The following CC2D2A variants were observed in gnomAD, a reference collection of about 807,000 sequenced individuals.
CC2D2A encodes the protein coiled-coil and C2 domain containing 2A, also known as coiled-coil and C2 domain-containing protein 2A.
In CC2D2A, 155 loss-of-function variants were observed where a neutral mutation model predicts 212.9. The ratio of observed to expected loss-of-function variants is 0.73; its 90% CI spans 0.64 to 0.83. The LOEUF (loss-of-function observed/expected upper bound fraction) is 0.83, where lower values mean the gene tolerates loss of function less well. Among genes scored for constraint, CC2D2A ranks in the 40% least tolerant of loss-of-function variants. CC2D2A has a pLI of 0.00. For missense variants in CC2D2A, 1,856 were observed against 1,956.2 expected (o/e 0.95, Z 0.97); for synonymous variants, 667 against 686.5 (o/e 0.97, Z 0.44).
At chr4:15,537,630 T>C (rs994002307) in intron 15 of CC2D2A, among the ~76,000 whole-genome samples, 7 of 152,180 alleles carry the variant, frequency 4.6e-5, no homozygotes, top group Admixed American at 2.6e-4. Flanking sequence ...TTTAAGCTCT[T>C]TCCAGGGACT....
At chr4:15,570,883 A>AT (rs1343541927) in intron 28 of CC2D2A, among the ~76,000 whole-genome samples, 2 of 152,000 alleles carry the variant, frequency 1.3e-5, no homozygotes, top group Admixed American at 1.3e-4. Context: ...GCGAGACTCC[A>AT]TGTCAGAAAA....
Position 15,479,348 on chromosome 4 carries a change from T to C in CC2D2A, c.123+542T>C, listed in dbSNP as rs146710540. The C allele has an allele frequency of 4.6e-6, 7 of 1,517,736 alleles. No individual in the cohort carries two copies. The East Asian group carries it at 7.4e-5, about 16-fold the overall frequency. The allele number at this position is 1,517,736 out of a possible 1,614,324, so 94.0% of individuals were successfully genotyped here. On this transcript the variant is annotated intron_variant, in intron 3 of 36. Coordinates refer to ENST00000424120, the MANE Select transcript of CC2D2A (RefSeq NM_001378615.1). ...TTCAAGGTAAGTCCTTGGTAAGAAG[T>C]TGTCCTCTGAGAAGGGAGGCAGGGA...
intron 19 of CC2D2A, among the ~76,000 whole-genome samples, chr4:15,554,709 GT>G (rs1719191555): frequency 6.6e-6 from 1 of 152,162 alleles, no homozygotes; most frequent in African/African-American, 2.4e-5. Context: ...TTTTCTTTTG[GT>G]TTGTCCTCAG....
chr4:15,536,250 T>C (rs979293562), intron 14 of CC2D2A, among the ~76,000 whole-genome samples: 16 of 150,592 alleles, frequency 1.1e-4, no homozygotes, highest in South Asian at 2.1e-4. Context: ...CAGGTGGGAA[T>C]TGAACAATGA....
rs1361167507 is a variant in CC2D2A at position 15,516,685 on chromosome 4, T to C, written c.1078T>C (p.Phe360Leu). 6.2e-7 allele frequency: 1 copy of C among 1,613,496 alleles called. No homozygotes were observed. The highest frequency in any genetic ancestry group is 1.7e-5 in the Admixed American group (1 of 59,960). The change falls in exon 11 of 37, where the codon TTT (phenylalanine) becomes CTT (leucine). Residue 360 changes from phenylalanine to leucine, a missense_variant. By Grantham distance (22) the Phe-to-Leu change is conservative. Coordinates refer to ENST00000424120, the MANE Select transcript of CC2D2A (RefSeq NM_001378615.1). Reference protein sequence around the residue: ...ILALPNPIKPFPSRPPVLTQE... With the variant: ...ILALPNPIKPLPSRPPVLTQE... Reference sequence around the variant, plus strand: ...AGCTCTGCCAAACCCCATCAAGCCATTTCCTTCAAGGCCGCCAGTACTAAC... The same window carrying C: ...AGCTCTGCCAAACCCCATCAAGCCACTTCCTTCAAGGCCGCCAGTACTAAC...
intron 4 of CC2D2A, among the ~76,000 whole-genome samples, chr4:15,485,492 C>T (rs986683009): frequency 1.3e-5 from 2 of 152,148 alleles, no homozygotes; most frequent in Admixed American, 6.6e-5. Context: ...TGGATATATA[C>T]CCAGCAGTGG....
intron 21 of CC2D2A, 93 bp from the exon 22 acceptor site, chr4:15,559,072 G>A (rs1647747183): frequency 2.4e-6 from 2 of 816,482 alleles, no homozygotes; most frequent in Admixed American, 3.0e-5. Flanking sequence ...AAAACCACAA[G>A]TTATAACTTA....
intron 4 of CC2D2A, among the ~76,000 whole-genome samples, chr4:15,502,047 C>T (rs942915106): frequency 6.6e-6 from 1 of 152,220 alleles, no homozygotes; most frequent in African/African-American, 2.4e-5. Flanking sequence ...CCCGACAAGC[C>T]TGTTTCTCAA....
rs1720218034 is a variant in CC2D2A, at chr4:15,572,547, T to G, written c.3595-1603T>G. Among the ~76,000 whole-genome samples, 3 of 151,726 alleles carry G rather than the reference T, an allele frequency of 2.0e-5. No individual in the cohort carries two copies. The South Asian group carries it at 6.3e-4, about 32-fold the overall frequency. ...AACTAATAAGAGTTGGTACTGCCAC[T>G]GACATCTAGTGTGCAGATGCTAGGG... On this transcript the variant is annotated intron_variant, in intron 28 of 36. Coordinates refer to ENST00000424120, the MANE Select transcript of CC2D2A (RefSeq NM_001378615.1).
chr4:15,596,996 GA>G (rs1721349658), intron 34 of CC2D2A, among the ~76,000 whole-genome samples: 1 of 148,912 alleles, frequency 6.7e-6, no homozygotes, highest in African/African-American at 2.4e-5. Flanking sequence ...GTAAAGTTTA[GA>G]AAACATGTGA....
intron 4 of CC2D2A, among the ~76,000 whole-genome samples, chr4:15,493,245 A>ATTATTTAT (rs58220743): frequency 0.042 from 6,248 of 148,292 alleles, 142 homozygotes; most frequent in Non-Finnish European, 0.056. Flanking sequence ...CACTTTATTT[A>ATTATTTAT]TTATTTATTT....
chr4:15,527,235 T>G (rs1221080038), intron 11 of CC2D2A, among the ~76,000 whole-genome samples: 4 of 152,212 alleles, frequency 2.6e-5, no homozygotes, highest in Admixed American at 6.5e-5. Flanking sequence ...AAATGGTTTC[T>G]TTTCTAACTC....
intron 18 of CC2D2A, among the ~76,000 whole-genome samples, chr4:15,551,468 T>G (rs1008144889): frequency 6.6e-6 from 1 of 152,196 alleles, no homozygotes; most frequent in Non-Finnish European, 1.5e-5. Flanking sequence ...TTCATTACCT[T>G]TGCTGTCTTT....
chr4:15,598,610 A>G (rs1721430737), intron 35 of CC2D2A, among the ~76,000 whole-genome samples: 1 of 152,138 alleles, frequency 6.6e-6, no homozygotes, highest in Non-Finnish European at 1.5e-5. Context: ...TAAACTTCAC[A>G]CCCTATGAAC....
chr4:15,519,560 T>TAA, intron 11 of CC2D2A: 1 of 445,050 alleles, frequency 2.2e-6, no homozygotes, highest in Non-Finnish European at 4.5e-6. Context: ...ATGCTGCTGA[T>TAA]AAAGACATAC....
intron 30 of CC2D2A, among the ~76,000 whole-genome samples, chr4:15,580,637 C>CA (rs58107216): frequency 0.14 from 12,735 of 89,046 alleles, 1,048 homozygotes; most frequent in East Asian, 0.28. Context: ...GACTCTGTCT[C>CA]AAAAAAAAAA....
intron 13 of CC2D2A, among the ~76,000 whole-genome samples, chr4:15,529,557 T>C (rs1360031666): frequency 2.0e-5 from 3 of 152,202 alleles, no homozygotes; most frequent in African/African-American, 7.2e-5. Context: ...AACTTGCTTC[T>C]TTATATACAA....
intron 1 of CC2D2A, chr4:15,473,212 C>G (rs1304351942): frequency 2.0e-5 from 3 of 152,072 alleles, no homozygotes; most frequent in Non-Finnish European, 4.4e-5. Context: ...ATGTTTCTGC[C>G]CTCTTGCAGC....
At chr4:15,539,294 A>C (rs1718299434) in intron 16 of CC2D2A, among the ~76,000 whole-genome samples, 2 of 152,178 alleles carry the variant, frequency 1.3e-5, no homozygotes, top group Non-Finnish European at 2.9e-5. Flanking sequence ...ATGGTATATC[A>C]TCATTAATTA....
Sources: gnomAD v4.1 joint callset for allele counts (sites outside exome capture counted in the v4.1 genomes callset) on GRCh38, gnomAD v4.1.1 for gene constraint, MANE v1.5 for transcripts, NCBI Gene and HGNC (gene_info 2026-07-23, HGNC 2026-07-21) for gene names.